ITGA2: variants seen among roughly 807,000 people sequenced by gnomAD.
The protein encoded by ITGA2 is integrin alpha-2.
Under a neutral mutation model 146.3 loss-of-function variants are expected in ITGA2, and 101 were observed. The ratio of observed to expected loss-of-function variants is 0.69; its 90% CI spans 0.59 to 0.81. ITGA2 has a LOEUF of 0.81. ITGA2 is among the 40% of genes least tolerant of loss of function. ITGA2 has a pLI of 0.00. For synonymous variants in ITGA2, 477 were observed against 487.1 expected, an observed-to-expected ratio of 0.98 and a Z score of 0.27; for missense variants, 1,281 against 1,402.7, an observed-to-expected ratio of 0.91 and a Z score of 1.39.
At chr5:52,996,392 T>C (rs1741254657) in intron 1 of ITGA2, among the ~76,000 whole-genome samples, 2 of 151,868 alleles carry the variant, frequency 1.3e-5, no homozygotes, top group Admixed American at 6.6e-5. Context: ...AGGAAGAGAG[T>C]TAGGTGTCCA....
intron 1 of ITGA2, among the ~76,000 whole-genome samples, chr5:53,008,566 T>C (rs1455545109): frequency 6.6e-6 from 1 of 151,980 alleles, no homozygotes; most frequent in Non-Finnish European, 1.5e-5. Flanking sequence ...GTCAAACATA[T>C]GATATATGGA....
intron 7 of ITGA2, among the ~76,000 whole-genome samples, chr5:53,054,387 A>G (rs964338587): frequency 6.6e-6 from 1 of 152,214 alleles, no homozygotes. Context: ...TATTCAAGAC[A>G]TAGAATGCTC....
chr5:53,074,540 C>A, intron 21 of ITGA2, 63 bp downstream of exon 21: 1 of 1,226,200 alleles, frequency 8.2e-7, no homozygotes, highest in South Asian at 1.2e-5. Flanking sequence ...GCTAATTTAC[C>A]AACATAACAT....
intron 10 of ITGA2, among the ~76,000 whole-genome samples, chr5:53,058,670 T>A (rs1392150797): frequency 6.7e-6 from 1 of 149,642 alleles, no homozygotes; most frequent in Non-Finnish European, 1.5e-5. Flanking sequence ...AGAGAGATAG[T>A]GAAAGGAGGC....
At chr5:53,013,841 A>G (rs191706967) in intron 1 of ITGA2, among the ~76,000 whole-genome samples, 92 of 152,078 alleles carry the variant, frequency 6.0e-4, no homozygotes, top group African/African-American at 2.1e-3. Context: ...CTGTACTCCT[A>G]GGTATTTTAT....
intron 1 of ITGA2, among the ~76,000 whole-genome samples, chr5:53,026,522 T>A (rs1371184165): frequency 6.6e-6 from 1 of 152,204 alleles, no homozygotes; most frequent in Non-Finnish European, 1.5e-5. Context: ...TTCTAGCATT[T>A]CCATGAAGAT....
intron 6 of ITGA2, among the ~76,000 whole-genome samples, chr5:53,049,236 T>C (rs1468612661): frequency 1.7e-5 from 2 of 121,010 alleles, no homozygotes; most frequent in Admixed American, 1.5e-4. Flanking sequence ...GGCCTTGAAC[T>C]CCTGACCTCA....
chr5:53,037,121 A>G (rs1431438644), intron 2 of ITGA2, among the ~76,000 whole-genome samples: 1 of 152,342 alleles, frequency 6.6e-6, no homozygotes, highest in Non-Finnish European at 1.5e-5. Flanking sequence ...TCCTACCTAC[A>G]CCACCATAAA....
chr5:53,037,409 G>T (rs1262705019), intron 2 of ITGA2, among the ~76,000 whole-genome samples: 1 of 152,150 alleles, frequency 6.6e-6, no homozygotes, highest in Non-Finnish European at 1.5e-5. Context: ...AAGAGGTTTC[G>T]CCATACTTCA....
chr5:53,036,832 C>T (rs970878497), intron 2 of ITGA2, among the ~76,000 whole-genome samples: 5 of 152,124 alleles, frequency 3.3e-5, no homozygotes, highest in African/African-American at 4.8e-5. Flanking sequence ...CTGGCCACCA[C>T]GTATAGACTC....
chr5:53,072,177 T>A, intron 18 of ITGA2, 129 bp downstream of exon 18: 2 of 727,144 alleles, frequency 2.8e-6, no homozygotes, highest in Admixed American at 4.1e-5. Flanking sequence ...TACAATTACA[T>A]ATGCATAAAG....
intron 1 of ITGA2, among the ~76,000 whole-genome samples, chr5:53,009,601 A>G (rs1742023488): frequency 6.6e-6 from 1 of 152,160 alleles, no homozygotes; most frequent in East Asian, 1.9e-4. Flanking sequence ...GAGGAAAGAG[A>G]TAATTTGAAG....
At chr5:52,989,603 A>G in intron 1 of ITGA2, 71 bp downstream of exon 1, 1 of 1,546,360 alleles carries the variant, frequency 6.5e-7, no homozygotes, top group Non-Finnish European at 8.9e-7. Flanking sequence ...CGCTGGAGGG[A>G]TTGGGCGGAA....
intron 7 of ITGA2, among the ~76,000 whole-genome samples, chr5:53,052,481 G>A (rs973183482): frequency 6.6e-6 from 1 of 152,072 alleles, no homozygotes; most frequent in Non-Finnish European, 1.5e-5. Flanking sequence ...AGAACAACAA[G>A]CTTGCCTTCC....
chr5:53,007,517 A>G (rs574718722), intron 1 of ITGA2, among the ~76,000 whole-genome samples: 24 of 150,340 alleles, frequency 1.6e-4, no homozygotes, highest in African/African-American at 4.0e-4. Context: ...GAGAGAGAGA[A>G]AAAAAAAAGA....
At chr5:53,071,907 C>A (rs1745415838) in intron 17 of ITGA2, 31 bp from the exon 18 acceptor site, 1 of 1,487,670 alleles carries the variant, frequency 6.7e-7, no homozygotes, top group Non-Finnish European at 9.4e-7. Flanking sequence ...ACTCTGTCTC[C>A]CCCTGTATGT....
rs191639470 is a variant in ITGA2 at position 53,058,045 on chromosome 5, A to G, written c.1117A>G (p.Asn373Asp). The G allele has an allele frequency of 2.5e-5, 40 of 1,611,524 alleles. No individual in the cohort carries two copies. The East Asian group carries it at 8.7e-4, about 35-fold the overall frequency. ...TCCAGGTACTGTTCAAGGAGGAGACAACTTTCAGATGGAAATGTCACAAGT... is the reference window on the plus strand; with the variant it reads ...TCCAGGTACTGTTCAAGGAGGAGACGACTTTCAGATGGAAATGTCACAAGT... The part of the protein sequence containing the change: ...SIEGTVQGGD[N>D]FQMEMSQVGF... Residue 373 changes from asparagine (N) to aspartate (D), a missense_variant, in exon 10 of 30, where the codon AAC (asparagine) becomes GAC (aspartate). Around this residue, in one of 3 missense-constraint regions of ITGA2, gnomAD observed 795 missense variants for 841.7 expected, o/e 0.94. Coordinates refer to ENST00000296585, the MANE Select transcript of ITGA2 (RefSeq NM_002203.4).
chr5:53,093,968 A>C lies in ITGA2; in HGVS notation c.*3369A>C, dbSNP rs1740572769. On this transcript the variant is annotated 3_prime_UTR_variant, in exon 30 of 30. Transcript: ENST00000296585. ...ATTCTTGTAAAATAGTTACCTATTA[A>C]AACTGTGAAGAGTAAAACTAAAGCC... 1.1e-5 allele frequency: 1 copy of C among 89,496 alleles called. No individual in the cohort carries two copies. The highest frequency in any genetic ancestry group is 2.3e-4 in the East Asian group (1 of 4,400). 5.5% of individuals were successfully genotyped at this position (89,496 alleles called of 1,614,324 possible). A position where few individuals can be genotyped will look rare whatever the true frequency, so the allele number is the denominator to read the frequency against.
At chr5:53,055,756 C>G in intron 8 of ITGA2, 68 bp downstream of exon 8, 3 of 1,552,650 alleles carry the variant, frequency 1.9e-6, no homozygotes, top group Non-Finnish European at 2.7e-6. Context: ...CATCACTTCT[C>G]AAGGCTGCAC....
Sources: gnomAD v4.1 joint callset for allele counts (sites outside exome capture counted in the v4.1 genomes callset) on GRCh38, gnomAD v4.1.1 for gene constraint, gnomAD v4.1.1 regional missense constraint, MANE v1.5 for transcripts, NCBI Gene and HGNC (gene_info 2026-07-23, HGNC 2026-07-21) for gene names.